KCNT2: variants seen among roughly 807,000 people sequenced by gnomAD.
KCNT2 encodes the protein potassium channel subfamily T member 2.
A neutral mutation model predicts 153.8 loss-of-function variants in KCNT2; 67 were observed. The ratio of observed to expected loss-of-function variants is 0.44; its 90% CI spans 0.36 to 0.53. The LOEUF is 0.53. Ranked by LOEUF, KCNT2 falls within the 20% of genes least tolerant of loss-of-function variation. KCNT2 has a pLI of 0.00. For synonymous variants in KCNT2, 500 were observed against 458.8 expected (o/e 1.09, Z -1.15); for missense variants, 975 against 1,354.8 (o/e 0.72, Z 4.40).
rs749050912 is a variant in KCNT2, at chr1:196,429,544, C to A, written c.819+33G>T. On this transcript the variant is annotated intron_variant, in intron 9 of 27. Coordinates refer to ENST00000294725, the MANE Select transcript of KCNT2 (RefSeq NM_198503.5). ...GAGGATTCAATTTCATGTCTCTGTA[C>A]ATTTCTATGCAATATAAGATGGTTT... The A allele has an allele frequency of 2.1e-6, 3 of 1,460,642 alleles. No homozygotes were observed. In the African/African-American group the frequency reaches 4.3e-5, roughly 21 times the overall value. The allele number at this position is 1,460,642 out of a possible 1,614,324, so 90.5% of individuals were successfully genotyped here. A position where few individuals can be genotyped will look rare whatever the true frequency, so the allele number is the denominator to read the frequency against.
At chr1:196,523,002 A>C (rs895572640) in intron 1 of KCNT2, among the ~76,000 whole-genome samples, 7 of 152,190 alleles carry the variant, frequency 4.6e-5, no homozygotes, top group African/African-American at 1.7e-4. Context: ...ATGCTGTGAA[A>C]GTTTTGTTCT....
chr1:196,597,426 T>G (rs760241295), intron 1 of KCNT2, among the ~76,000 whole-genome samples: 3 of 152,038 alleles, frequency 2.0e-5, no homozygotes, highest in Non-Finnish European at 4.4e-5. Context: ...GTGTGTCCTG[T>G]AGATCTACTT....
At chr1:196,590,128 T>C (rs913667328) in intron 1 of KCNT2, among the ~76,000 whole-genome samples, 11 of 152,166 alleles carry the variant, frequency 7.2e-5, no homozygotes, top group African/African-American at 2.4e-4. Flanking sequence ...GTAAACACAC[T>C]GTGACCCTCT....
chr1:196,340,275 T>C, intron 16 of KCNT2, 66 bp downstream of exon 16: 1 of 976,366 alleles, frequency 1.0e-6, no homozygotes, highest in Non-Finnish European at 1.5e-6. Flanking sequence ...TTAAATGCAT[T>C]GGTATTTATC....
At chr1:196,558,404 G>GT (rs1188591285) in intron 1 of KCNT2, among the ~76,000 whole-genome samples, 2 of 136,824 alleles carry the variant, frequency 1.5e-5, no homozygotes, top group Admixed American at 7.7e-5. Flanking sequence ...TGTGTGTGTG[G>GT]TTTTTTGTTT....
intron 20 of KCNT2, among the ~76,000 whole-genome samples, chr1:196,317,641 C>T (rs894189690): frequency 6.6e-6 from 1 of 151,410 alleles, no homozygotes; most frequent in African/African-American, 2.4e-5. Flanking sequence ...ATAGGGCAGT[C>T]GAGGATAAGA....
rs1198998509 is a variant in KCNT2 at position 196,452,721 on chromosome 1, T to C, written c.638+12572A>G. Among the ~76,000 whole-genome samples, 4 of 5,074 alleles carry C rather than the reference T, an allele frequency of 7.9e-4. No individual in the cohort carries two copies. In the Non-Finnish European group the frequency reaches 0.018, roughly 22 times the overall value. The allele number at this position is 5,074 out of a possible 152,430, so 3.3% of individuals were successfully genotyped here. A position where few individuals can be genotyped will look rare whatever the true frequency, so the allele number is the denominator to read the frequency against. On this transcript the variant is annotated intron_variant, in intron 8 of 27. Transcript: ENST00000294725. ...AAATAGAACCAATATGTTATATAAA[T>C]AGATGGTATTATAAGGAATTGACTC...
At chr1:196,281,271 A>G (rs1490098399) in intron 24 of KCNT2, among the ~76,000 whole-genome samples, 1 of 152,162 alleles carries the variant, frequency 6.6e-6, no homozygotes, top group Non-Finnish European at 1.5e-5. Context: ...GCATCACCAA[A>G]CTTAAGAAAT....
chr1:196,460,700 C>A (rs1027661450), intron 8 of KCNT2, among the ~76,000 whole-genome samples: 1 of 151,554 alleles, frequency 6.6e-6, no homozygotes, highest in Non-Finnish European at 1.5e-5. Flanking sequence ...AAGCTACAAT[C>A]AAAAAGTTGA....
chr1:196,537,822 G>A (rs149149785), intron 1 of KCNT2, among the ~76,000 whole-genome samples: 67 of 152,292 alleles, frequency 4.4e-4, no homozygotes, highest in African/African-American at 1.5e-3. Flanking sequence ...TGTGTCACTC[G>A]TTGGGGCATT....
chr1:196,422,999 AT>A (rs1474251351), intron 12 of KCNT2, 50 bp downstream of exon 12: 3 of 1,225,988 alleles, frequency 2.4e-6, no homozygotes, highest in Non-Finnish European at 2.3e-6. Flanking sequence ...ATTAAAAAAA[AT>A]CTTCTAAAAT....
At chr1:196,515,588 T>C (rs1681981798) in intron 1 of KCNT2, among the ~76,000 whole-genome samples, 1 of 152,196 alleles carries the variant, frequency 6.6e-6, no homozygotes, top group African/African-American at 2.4e-5. Flanking sequence ...AAAGCAATTT[T>C]ACTTTAACAA....
intron 1 of KCNT2, among the ~76,000 whole-genome samples, chr1:196,562,328 T>A (rs1659520291): frequency 6.6e-6 from 1 of 152,006 alleles, no homozygotes; most frequent in Non-Finnish European, 1.5e-5. Flanking sequence ...TCTGTTTTAA[T>A]GTTAATGTTG....
chr1:196,264,002 T>C (rs764112197), intron 25 of KCNT2, among the ~76,000 whole-genome samples: 2 of 152,160 alleles, frequency 1.3e-5, no homozygotes, highest in Non-Finnish European at 2.9e-5. Flanking sequence ...TTGGTCTCTG[T>C]GGAATTTGGA....
intron 1 of KCNT2, among the ~76,000 whole-genome samples, chr1:196,596,054 GTGTA>G (rs1252087610): frequency 2.2e-4 from 31 of 138,490 alleles, no homozygotes; most frequent in African/African-American, 8.9e-4. Flanking sequence ...ATTCCATGAT[GTGTA>G]TATATATATA....
intron 13 of KCNT2, 28 bp from the exon 14 acceptor site, chr1:196,373,276 A>T: frequency 5.6e-5 from 53 of 941,152 alleles, no homozygotes; most frequent in Non-Finnish European, 8.8e-5. Flanking sequence ...GGTAAATTAG[A>T]ATAATTTACC....
chr1:196,477,575 G>T (rs1678648990), intron 5 of KCNT2, among the ~76,000 whole-genome samples: 1 of 151,876 alleles, frequency 6.6e-6, no homozygotes, highest in Non-Finnish European at 1.5e-5. Flanking sequence ...GACAGTGTGA[G>T]ACCCTTTCCC....
At chr1:196,274,046 T>C (rs1374462209) in intron 25 of KCNT2, among the ~76,000 whole-genome samples, 1 of 151,672 alleles carries the variant, frequency 6.6e-6, no homozygotes, top group Non-Finnish European at 1.5e-5. Flanking sequence ...ATTTGTACTA[T>C]TTTTTAATTT....
chr1:196,349,943 T>G (rs1055667453), intron 14 of KCNT2, among the ~76,000 whole-genome samples: 1 of 151,842 alleles, frequency 6.6e-6, no homozygotes, highest in African/African-American at 2.4e-5. Context: ...TATCTATGAG[T>G]GAGAACGTGT....
Sources: gnomAD v4.1 joint callset for allele counts (sites outside exome capture counted in the v4.1 genomes callset) on GRCh38, gnomAD v4.1.1 for gene constraint, MANE v1.5 for transcripts, NCBI Gene and HGNC (gene_info 2026-07-23, HGNC 2026-07-21) for gene names.